The following ABCG5 variants were observed in gnomAD, a reference collection of about 807,000 sequenced individuals.
ABCG5 encodes ATP binding cassette subfamily G member 5.
A neutral mutation model predicts 64.5 loss-of-function variants in ABCG5; 64 were observed. That is an observed-to-expected ratio of 0.99 (90% CI 0.81 to 1.22). The LOEUF (loss-of-function observed/expected upper bound fraction) is 1.22. ABCG5 is among the 50% of genes most tolerant of loss of function. ABCG5 has a pLI of 0.00. For missense variants in ABCG5, 908 were observed against 829.5 expected (o/e 1.09, Z -1.16); for synonymous variants, 385 against 326.3 (o/e 1.18, Z -1.94).
At chr2:43,811,358 T>C (rs1307175699), downstream of ABCG5, among the ~76,000 whole-genome samples, 1 of 152,202 alleles carries the variant, frequency 6.6e-6, no homozygotes, top group African/African-American at 2.4e-5. Context: ...TTCTAAGAAA[T>C]AGAATTTTAC....
Position 43,813,221 on chromosome 2 carries a change from T to C in ABCG5, c.1851A>G (p.Thr617=). The C allele has an allele frequency of 6.2e-7, 1 of 1,612,422 alleles. No homozygotes were observed. Among genetic ancestry groups the C allele is most frequent in the Non-Finnish European group, 8.5e-7 (1 of 1,178,530 alleles). ...QFIEKTCPGA[T]SRFTMNFLIL... is the part of the protein sequence containing the mutation. ...TCAGAAAGTTCATTGTGAATCTAGATGTTGCACCTGGGCAGGTTTTCTCAA... is the reference window on the plus strand; with the variant it reads ...TCAGAAAGTTCATTGTGAATCTAGACGTTGCACCTGGGCAGGTTTTCTCAA... Residue 617 remains threonine, a synonymous_variant, in exon 13 of 13, where the codon ACA becomes ACG. Transcript: ENST00000405322.
chr2:43,826,280 G>T, intron 6 of ABCG5, 102 bp downstream of exon 6: 1 of 1,553,500 alleles, frequency 6.4e-7, no homozygotes, highest in African/African-American at 1.4e-5. Context: ...AATTACAAGT[G>T]TGAGCCACTG....
intron 12 of ABCG5, among the ~76,000 whole-genome samples, chr2:43,813,685 GTT>G (rs1274645376): frequency 1.0e-4 from 2 of 19,222 alleles, no homozygotes; most frequent in African/African-American, 3.6e-4. Flanking sequence ...TTTTTTTTTT[GTT>G]TTTTTTGGGG....
chr2:43,824,754 T>C, intron 7 of ABCG5, 135 bp downstream of exon 7: 2 of 1,464,428 alleles, frequency 1.4e-6, no homozygotes, highest in African/African-American at 1.4e-5. Context: ...CCGGCCAAAT[T>C]GATTCCTTGA....
chr2:43,830,915 G>C (rs1392707055), intron 4 of ABCG5, among the ~76,000 whole-genome samples: 1 of 152,208 alleles, frequency 6.6e-6, no homozygotes, highest in Non-Finnish European at 1.5e-5. Flanking sequence ...ACTCAGTCCA[G>C]TTTGGATGAG....
Position 43,838,798 on chromosome 2 carries a change from T to C in ABCG5, c.-119A>G. 6.5e-7 allele frequency: 1 copy of C among 1,540,738 alleles called. No homozygotes were observed. The highest frequency in any genetic ancestry group is 8.8e-7 in the Non-Finnish European group (1 of 1,139,134). On this transcript the variant is annotated 5_prime_UTR_variant, in exon 1 of 13. Transcript: ENST00000405322. The surrounding 1 kb of genome is among the most constrained non-coding windows in gnomAD (Gnocchi z 4.2). ...TGCTCCACCTGACCCCGGAGTCCCTTGGGACAGCAGGACTGGGACTTGGCC... is the reference window on the plus strand; with the variant it reads ...TGCTCCACCTGACCCCGGAGTCCCTCGGGACAGCAGGACTGGGACTTGGCC...
At chr2:43,821,904 A>G (rs1252497190) in intron 10 of ABCG5, among the ~76,000 whole-genome samples, 1 of 151,756 alleles carries the variant, frequency 6.6e-6, no homozygotes, top group Non-Finnish European at 1.5e-5. Flanking sequence ...CCCATCTTTG[A>G]AAGTGTGACC....
At chr2:43,824,510 A>G (rs946118309) in intron 7 of ABCG5, 78 bp from the exon 8 acceptor site, 22 of 1,597,898 alleles carry the variant, frequency 1.4e-5, no homozygotes, top group Non-Finnish European at 1.9e-5. Context: ...TTGGTACAGG[A>G]GTACTGGCCA....
chr2:43,826,501 G>T lies in ABCG5; in HGVS notation c.655C>A (p.Pro219Thr). 1.9e-6 allele frequency: 3 copies of T among 1,614,202 alleles called. No individual in the cohort carries two copies. Among genetic ancestry groups the T allele is most frequent in the Admixed American group, 1.7e-5 (1 of 60,028 alleles). ...GTCATGCAGTCCAGGCCTGTGGTTGGCTCATCAAACAGCATGACCTCTGCC... is the reference window on the plus strand; with the variant it reads ...GTCATGCAGTCCAGGCCTGTGGTTGTCTCATCAAACAGCATGACCTCTGCC... The part of the protein sequence containing the change: ...QDPKVMLFDE[P>T]TTGLDCMTAN... The change falls in exon 6 of 13, where the codon CCA (proline) becomes ACA (threonine). Residue 219 changes from proline to threonine, a missense_variant. Pro to Thr is a conservative substitution (Grantham distance 38, BLOSUM62 -1). Transcript: ENST00000405322.
intron 2 of ABCG5, among the ~76,000 whole-genome samples, chr2:43,834,777 A>G (rs935877936): frequency 6.6e-6 from 1 of 152,266 alleles, no homozygotes; most frequent in Admixed American, 6.5e-5. Context: ...GCCCTCCTCA[A>G]CAGCAAATAA....
intron 5 of ABCG5, 101 bp downstream of exon 5, chr2:43,827,882 C>A: frequency 6.5e-7 from 1 of 1,544,140 alleles, no homozygotes; most frequent in Non-Finnish European, 8.8e-7. Context: ...TGTACACAAA[C>A]CCCTTTCCAA....
rs186305395 is a variant in ABCG5 at position 43,836,278 on chromosome 2, G to T, written c.265+1556C>A. 4.4e-3 allele frequency among the ~76,000 whole-genome samples: 667 copies of T among 152,206 alleles called. 7 individuals carry two copies. The highest frequency in any genetic ancestry group is 0.014 in the African/African-American group (590 of 41,528). ...TTAACAACACTACTGTTGGCATCTG[G>T]TTGTGCACCTGCTGTAGCAGGTGAA... On this transcript the variant is annotated intron_variant, in intron 2 of 12. Transcript: ENST00000405322.
chr2:43,828,241 C>T (rs1667741600), intron 4 of ABCG5, 126 bp from the exon 5 acceptor site: 5 of 1,277,628 alleles, frequency 3.9e-6, no homozygotes, highest in Admixed American at 1.9e-5. Context: ...TCCAGACTCA[C>T]CACACCCTGG....
chr2:43,818,217 C>T (rs538904166), intron 11 of ABCG5, among the ~76,000 whole-genome samples: 3 of 152,096 alleles, frequency 2.0e-5, no homozygotes, highest in East Asian at 1.9e-4. Flanking sequence ...TTTGGGAGGC[C>T]GAGGTGGGCG....
Position 43,838,475 on chromosome 2 carries a change from G to A in ABCG5, c.143+62C>T. The A allele has an allele frequency of 6.7e-7, 1 of 1,493,552 alleles. No individual in the cohort carries two copies. The highest frequency in any genetic ancestry group is 9.1e-7 in the Non-Finnish European group (1 of 1,095,432). The allele number at this position is 1,493,552 out of a possible 1,614,324, so 92.5% of individuals were successfully genotyped here. ...ACTTAAAGAGTGAAGAAAGGCAGCA[G>A]AGGGGTGAGCGCCGGGCCCCGCACT... is the stretch of plus-strand genomic sequence containing the variant. On this transcript the variant is annotated intron_variant, in intron 1 of 12. Transcript: ENST00000405322. The surrounding 1 kb of genome is among the most constrained non-coding windows in gnomAD (Gnocchi z 4.2).
Position 43,824,365 on chromosome 2 carries a change from C to A in ABCG5, c.972G>T (p.Met324Ile). 1 of 1,614,206 alleles carries A rather than the reference C, an allele frequency of 6.2e-7. No homozygotes were observed. The highest frequency in any genetic ancestry group is 1.1e-5 in the South Asian group (1 of 91,082). Residue 324 changes from methionine (M) to isoleucine (I), a missense_variant, in exon 8 of 13, where the codon ATG becomes ATT. Met to Ile is a conservative substitution (Grantham distance 10). Coordinates refer to ENST00000405322, the MANE Select transcript of ABCG5 (RefSeq NM_022436.3). Reference protein sequence around the residue: ...REIETSKRVQMIESAYKKSAI... With the variant: ...REIETSKRVQIIESAYKKSAI... ...CTGATTTCTTGTAGGCAGATTCTAT[C>A]ATCTGGACTCTCTTGGAGGTTTCTA...
Position 43,827,964 on chromosome 2 carries a change from A to C in ABCG5, c.634+19T>G. On this transcript the variant is annotated intron_variant, in intron 5 of 12. Coordinates refer to ENST00000405322, the MANE Select transcript of ABCG5 (RefSeq NM_022436.3). ...AGATGCCCAGACAGCAGCTAGTAAC[A>C]GTTCTGGGTGCCACTTACTAGGATC... is the stretch of plus-strand genomic sequence containing the variant. 6.2e-7 allele frequency: 1 copy of C among 1,613,788 alleles called. No homozygotes were observed. Among genetic ancestry groups the C allele is most frequent in the African/African-American group, 1.3e-5 (1 of 75,044 alleles).
chr2:43,822,415 C>G (rs1284019650), intron 10 of ABCG5: 1 of 682,278 alleles, frequency 1.5e-6, no homozygotes. Context: ...CTGTCCTCTT[C>G]CCACCCTCTG....
Position 43,833,203 on chromosome 2 carries a change from A to C in ABCG5, c.266-1120T>G, listed in dbSNP as rs530754500. Among the ~76,000 whole-genome samples the C allele has an allele frequency of 9.2e-5, 14 of 152,166 alleles. No individual in the cohort carries two copies. The South Asian group carries it at 2.9e-3, about 32-fold the overall frequency. On this transcript the variant is annotated intron_variant, in intron 2 of 12. Coordinates refer to ENST00000405322, the MANE Select transcript of ABCG5 (RefSeq NM_022436.3). ...TTTACCATAGGCCCAGAGTTCATGG[A>C]GACAGAATAGACCTCCCAGGCCTTT...
Sources: allele counts gnomAD v4.1 joint callset (sites outside exome capture counted in the v4.1 genomes callset), GRCh38; gene constraint gnomAD v4.1.1; non-coding constraint Gnocchi (gnomAD v3.1); transcripts MANE v1.5; gene names NCBI Gene and HGNC (gene_info 2026-07-23, HGNC 2026-07-21).